The following IRF2 variants were observed in gnomAD, a reference collection of about 807,000 sequenced individuals.
IRF2 encodes interferon regulatory factor 2.
IRF2 carries 15 observed loss-of-function variants against 40.6 expected under a neutral mutation model. The observed-to-expected ratio is 0.37, with a 90% CI of 0.25 to 0.57. The LOEUF is 0.57. Ranked by LOEUF, IRF2 falls within the 20% of genes least tolerant of loss-of-function variation. The probability of loss-of-function intolerance (pLI) is 0.77; values close to 1 mark genes in which losing one functional copy is unlikely to be tolerated. For synonymous variants in IRF2, 151 were observed against 165.5 expected (o/e 0.91, Z 0.67); for missense variants, 317 against 455.7 (o/e 0.70, Z 2.77).
At chr4:184,396,845 G>A (rs1288650664) in intron 7 of IRF2, among the ~76,000 whole-genome samples, 3 of 152,204 alleles carry the variant, frequency 2.0e-5, no homozygotes, top group Admixed American at 6.5e-5. Context: ...GCTCATGCCC[G>A]TAATCCCAGC....
chr4:184,418,957 C>A (rs941775524), intron 3 of IRF2, among the ~76,000 whole-genome samples: 12 of 152,282 alleles, frequency 7.9e-5, no homozygotes, highest in Admixed American at 7.8e-4. Flanking sequence ...TTCTACTGAA[C>A]AGCTTGAGGA....
intron 1 of IRF2, among the ~76,000 whole-genome samples, chr4:184,437,185 A>G (rs1222503493): frequency 6.6e-6 from 1 of 152,154 alleles, no homozygotes; most frequent in Non-Finnish European, 1.5e-5. Flanking sequence ...TCTCCTGAGT[A>G]GCTGAGATTA....
At chr4:184,411,444 G>C (rs1737069814) in intron 5 of IRF2, among the ~76,000 whole-genome samples, 1 of 152,098 alleles carries the variant, frequency 6.6e-6, no homozygotes, top group Admixed American at 6.5e-5. Flanking sequence ...GGCTAGGAGA[G>C]ACTATTCCAA....
chr4:184,402,867 G>A (rs748028839), intron 6 of IRF2, among the ~76,000 whole-genome samples: 25 of 152,108 alleles, frequency 1.6e-4, no homozygotes, highest in Non-Finnish European at 3.4e-4. Flanking sequence ...CACTGAGTGC[G>A]TCTGTCAACA....
At chr4:184,456,732 A>G (rs143044938) in intron 1 of IRF2, among the ~76,000 whole-genome samples, 1 of 152,348 alleles carries the variant, frequency 6.6e-6, no homozygotes, top group East Asian at 1.9e-4. Flanking sequence ...TGGAGGACCA[A>G]GTCAGTCACT....
Position 184,398,967 on chromosome 4 carries a change from G to C in IRF2, c.642C>G (p.Val214=). The C allele has an allele frequency of 6.2e-7, 1 of 1,613,186 alleles. No individual in the cohort carries two copies. The highest frequency in any genetic ancestry group is 8.5e-7 in the Non-Finnish European group (1 of 1,179,738). ...GCAGAGGGTAGAGCTCGCTCATGCT[G>C]ACCGGCTGCTCGTCGCTCTCAGTGG... ...EVTTESDEQP[V]SMSELYPLQI... is the part of the protein sequence containing the mutation. Residue 214 remains valine (V), a synonymous_variant, in exon 7 of 9, where the codon GTC becomes GTG. Transcript: ENST00000393593.
At chr4:184,444,944 G>A (rs574546986) in intron 1 of IRF2, among the ~76,000 whole-genome samples, 4 of 152,302 alleles carry the variant, frequency 2.6e-5, no homozygotes, top group East Asian at 1.9e-4. Context: ...GAAAAAAGTC[G>A]GGGAGCAGGT....
At chr4:184,463,684 G>A (rs1007010998) in intron 1 of IRF2, among the ~76,000 whole-genome samples, 2 of 151,816 alleles carry the variant, frequency 1.3e-5, no homozygotes, top group Admixed American at 6.6e-5. Flanking sequence ...GCTGTGGTAC[G>A]GCATTCAGCC....
chr4:184,402,772 G>A (rs189649837), intron 6 of IRF2, among the ~76,000 whole-genome samples: 2 of 152,298 alleles, frequency 1.3e-5, no homozygotes, highest in Admixed American at 6.5e-5. Flanking sequence ...AAAGACAGCC[G>A]GCTGTGGGTG....
chr4:184,399,760 T>A (rs1736601320), intron 6 of IRF2, among the ~76,000 whole-genome samples: 1 of 152,184 alleles, frequency 6.6e-6, no homozygotes. Context: ...TAGAGTCAGA[T>A]CTCCAATTCT....
At chr4:184,468,120 C>T (rs1739392079) in intron 1 of IRF2, among the ~76,000 whole-genome samples, 1 of 152,142 alleles carries the variant, frequency 6.6e-6, no homozygotes, top group African/African-American at 2.4e-5. Flanking sequence ...AAACCAAACG[C>T]CTAATTCTCC....
intron 2 of IRF2, among the ~76,000 whole-genome samples, chr4:184,426,567 G>A (rs1451522399): frequency 6.6e-6 from 1 of 152,162 alleles, no homozygotes; most frequent in Non-Finnish European, 1.5e-5. Flanking sequence ...CAAATGAGGT[G>A]ACATCCACAG....
chr4:184,437,818 C>T (rs1411194114), intron 1 of IRF2, among the ~76,000 whole-genome samples: 1 of 126,608 alleles, frequency 7.9e-6, no homozygotes, highest in Non-Finnish European at 1.6e-5. Context: ...AGGACAGTGG[C>T]TATTGGAACG....
chr4:184,434,218 G>A (rs1737995388), intron 1 of IRF2, among the ~76,000 whole-genome samples: 1 of 152,214 alleles, frequency 6.6e-6, no homozygotes, highest in Non-Finnish European at 1.5e-5. Context: ...GAGCGGCTAT[G>A]TTTGTCTAAG....
At chr4:184,422,713 A>C (rs904668155) in intron 2 of IRF2, among the ~76,000 whole-genome samples, 13 of 152,236 alleles carry the variant, frequency 8.5e-5, no homozygotes, top group African/African-American at 3.1e-4. Flanking sequence ...CATTTACATG[A>C]AATATTCCAG....
intron 1 of IRF2, among the ~76,000 whole-genome samples, chr4:184,470,273 G>C (rs999610489): frequency 6.6e-6 from 1 of 152,080 alleles, no homozygotes; most frequent in Non-Finnish European, 1.5e-5. Flanking sequence ...CATATATTAC[G>C]TATTGTAATA....
intron 1 of IRF2, among the ~76,000 whole-genome samples, chr4:184,437,935 ATGCAAGTTCCTCC>A (rs1331978916): frequency 3.3e-5 from 5 of 152,128 alleles, no homozygotes; most frequent in African/African-American, 1.2e-4. Flanking sequence ...CTTTTCCCAA[ATGCAAGTTCCTCC>A]TGCAAGTTCC....
chr4:184,428,535 T>C (rs1737751840), intron 2 of IRF2: 2 of 357,802 alleles, frequency 5.6e-6, no homozygotes, highest in Non-Finnish European at 1.1e-5. Flanking sequence ...CAGTGGCTCA[T>C]GCCTGTAATC....
At chr4:184,445,658 A>T (rs1738478545) in intron 1 of IRF2, among the ~76,000 whole-genome samples, 1 of 151,436 alleles carries the variant, frequency 6.6e-6, no homozygotes, top group African/African-American at 2.4e-5. Flanking sequence ...CCATCACAAA[A>T]AAAAAAAAAA....
Sources: gnomAD v4.1 joint callset for allele counts (sites outside exome capture counted in the v4.1 genomes callset) on GRCh38, gnomAD v4.1.1 for gene constraint, MANE v1.5 for transcripts, NCBI Gene and HGNC (gene_info 2026-07-23, HGNC 2026-07-21) for gene names.